Variants in MOB2 observed in about 807,000 individuals in gnomAD.
MOB2 encodes the protein MOB2 Mps One Binder homolog.
MOB2 carries 14 observed loss-of-function variants against 27.4 expected under a neutral mutation model. The ratio of observed to expected loss-of-function variants is 0.51; its 90% CI spans 0.34 to 0.80. The LOEUF is 0.80. Ranked by LOEUF, MOB2 falls within the 30% of genes least tolerant of loss-of-function variation. MOB2 has a pLI of 0.01. For synonymous variants in MOB2, 167 were observed against 151.8 expected, an observed-to-expected ratio of 1.10 and a Z score of -0.74; for missense variants, 304 against 354.6, an observed-to-expected ratio of 0.86 and a Z score of 1.15.
rs944102244 is a variant in MOB2 at position 1,469,978 on chromosome 11, C to T, written c.*194G>A. On this transcript the variant is annotated 3_prime_UTR_variant, in exon 5 of 5. Coordinates refer to ENST00000329957, the MANE Select transcript of MOB2 (RefSeq NM_001172223.3). ...GCTCTTCTCTACAAACGGCACGCAT[C>T]CATCCGACAGGGGGCCACAGGACAC... The T allele has an allele frequency of 7.9e-6, 11 of 1,392,432 alleles. No homozygotes were observed. The highest frequency in any genetic ancestry group is 2.0e-5 in the Admixed American group (1 of 50,842). 86.3% of individuals were successfully genotyped at this position (1,392,432 alleles called of 1,614,324 possible).
chr11:1,480,599 C>A (rs1238657001), intron 2 of MOB2, 113 bp from the exon 3 acceptor site: 1 of 1,523,914 alleles, frequency 6.6e-7, no homozygotes, highest in African/African-American at 1.4e-5. Flanking sequence ...TCTGCCCGTC[C>A]ACGGGCCACA....
intron 1 of MOB2, among the ~76,000 whole-genome samples, chr11:1,486,196 G>C (rs1847967994): frequency 6.6e-6 from 1 of 152,262 alleles, no homozygotes; most frequent in Non-Finnish European, 1.5e-5. Flanking sequence ...AGTGCAGGCG[G>C]CTAAGGAAAG....
intron 1 of MOB2, among the ~76,000 whole-genome samples, chr11:1,485,154 T>C (rs1006720387): frequency 4.6e-5 from 7 of 152,166 alleles, no homozygotes; most frequent in African/African-American, 1.7e-4. Flanking sequence ...TCCTCATCGC[T>C]TCCTTTGAAA....
At chr11:1,482,793 G>A (rs1458083047) in intron 1 of MOB2, among the ~76,000 whole-genome samples, 1 of 152,248 alleles carries the variant, frequency 6.6e-6, no homozygotes, top group Admixed American at 6.5e-5. Context: ...GGGACGCGCA[G>A]GACATGGCCT....
intron 4 of MOB2, among the ~76,000 whole-genome samples, chr11:1,470,792 A>T (rs1847778846): frequency 7.0e-6 from 1 of 142,920 alleles, no homozygotes; most frequent in Admixed American, 7.2e-5. Flanking sequence ...GGGGCCTGTG[A>T]TCGGGCACTC....
At chr11:1,482,934 C>T (rs1257275700) in intron 1 of MOB2, among the ~76,000 whole-genome samples, 3 of 152,164 alleles carry the variant, frequency 2.0e-5, no homozygotes, top group African/African-American at 7.2e-5. Context: ...TCAGCGAAGG[C>T]CCAGGCCTGG....
At position 1,469,711 on chromosome 11, in the gene MOB2, G is replaced by A. The variant is rs991474779; in HGVS notation, c.*461C>T. On this transcript the variant is annotated 3_prime_UTR_variant, in exon 5 of 5. Coordinates refer to ENST00000329957, the MANE Select transcript of MOB2 (RefSeq NM_001172223.3). ...TGCCAACAGCCAAGACTCCTGGCGA[G>A]GCCGGGAGAGGAGGGGTGAGAGGGA... The A allele has an allele frequency of 1.3e-5, 6 of 459,500 alleles. No individual in the cohort carries two copies. The highest frequency in any genetic ancestry group is 1.2e-4 in the African/African-American group (6 of 50,230). The allele number at this position is 459,500 out of a possible 1,614,324, so 28.5% of individuals were successfully genotyped here.
rs754896503 is a variant in MOB2, at chr11:1,470,119, A to C, written c.*53T>G. The C allele has an allele frequency of 2.6e-5, 40 of 1,551,400 alleles. No homozygotes were observed. Among genetic ancestry groups the C allele is most frequent in the Non-Finnish European group, 3.0e-5 (35 of 1,148,494 alleles). On this transcript the variant is annotated 3_prime_UTR_variant, in exon 5 of 5. Transcript: ENST00000329957. The stretch of plus-strand genomic sequence containing the variant: ...GTGTGCACACGCAGATGCAGGAGAG[A>C]ACACACACCACCGTCTCTTTGCACA...
chr11:1,480,718 C>G lies in MOB2; in HGVS notation c.271+7G>C, dbSNP rs560324078. The G allele has an allele frequency of 6.2e-7, 1 of 1,600,724 alleles. No homozygotes were observed. Among genetic ancestry groups the G allele is most frequent in the South Asian group, 1.1e-5 (1 of 88,980 alleles). On this transcript the variant is annotated splice_region_variant and intron_variant, in intron 2 of 4. Transcript: ENST00000329957. Reference sequence around the variant, plus strand: ...GGGAGGGGGCCCGCCCCCAGGCCCCCGCGCACTGTTGCTGGCCAGCCACTC... The same window carrying G: ...GGGAGGGGGCCCGCCCCCAGGCCCCGGCGCACTGTTGCTGGCCAGCCACTC...
intron 3 of MOB2, among the ~76,000 whole-genome samples, chr11:1,473,889 G>A (rs1564909027): frequency 1.3e-5 from 2 of 152,254 alleles, no homozygotes; most frequent in Admixed American, 1.3e-4. Flanking sequence ...ATGGGCCGCG[G>A]GAAGGAATCG....
intron 2 of MOB2, 73 bp downstream of exon 2, chr11:1,480,652 G>T: frequency 6.4e-7 from 1 of 1,564,498 alleles, no homozygotes; most frequent in Non-Finnish European, 8.7e-7. Context: ...CAGCCGTGGG[G>T]GTCCCCCTTG....
intron 3 of MOB2, chr11:1,472,853 G>A: frequency 6.4e-6 from 1 of 155,190 alleles, no homozygotes; most frequent in Non-Finnish European, 1.4e-5. Flanking sequence ...AGCGTCTCCG[G>A]GCACAGGGCC....
In MOB2 at chr11:1,482,548, C is replaced by A. The variant is rs1022944558; in HGVS notation, c.111-1663G>T. ...GCACCTCAGCCTCCCTGCCTCTTCCCGTCCACACCTGCTCTCCTAGAACAC... is the reference window on the plus strand; with the variant it reads ...GCACCTCAGCCTCCCTGCCTCTTCCAGTCCACACCTGCTCTCCTAGAACAC... On this transcript the variant is annotated intron_variant, in intron 1 of 4. Transcript: ENST00000329957. 6.6e-5 allele frequency among the ~76,000 whole-genome samples: 10 copies of A among 152,220 alleles called. 1 individual carries two copies. The highest frequency in any genetic ancestry group is 1.3e-4 in the Non-Finnish European group (9 of 68,026).
chr11:1,480,834 C>T lies in MOB2; in HGVS notation c.162G>A (p.Lys54=). 6.3e-7 allele frequency: 1 copy of T among 1,577,824 alleles called. No individual in the cohort carries two copies. The highest frequency in any genetic ancestry group is 8.6e-7 in the Non-Finnish European group (1 of 1,162,186). ...NGKKPAAEER[K]AYLEPEHTKA... is the part of the protein sequence containing the mutation. ...TGGTGTGCTCAGGCTCCAGGTAGGC[C>T]TTCCTCTCCTCCGCAGCGGGCTTCT... Residue 54 remains lysine, a synonymous_variant, in exon 2 of 5, where the codon AAG becomes AAA. Coordinates refer to ENST00000329957, the MANE Select transcript of MOB2 (RefSeq NM_001172223.3).
intron 3 of MOB2, among the ~76,000 whole-genome samples, chr11:1,478,861 G>GTA (rs1232509453): frequency 2.0e-5 from 3 of 152,194 alleles, no homozygotes; most frequent in Non-Finnish European, 2.9e-5. Context: ...GCCCTCACAC[G>GTA]ACCCAGGCAG....
At chr11:1,481,654 C>A (rs1279057669) in intron 1 of MOB2, 1 of 150,872 alleles carries the variant, frequency 6.6e-6, no homozygotes, top group Non-Finnish European at 1.5e-5. Context: ...AGGAGACCAG[C>A]GCAGGCCTCT....
intron 3 of MOB2, among the ~76,000 whole-genome samples, chr11:1,479,563 C>T (rs1847887080): frequency 6.6e-6 from 1 of 152,238 alleles, no homozygotes; most frequent in African/African-American, 2.4e-5. Flanking sequence ...GGGACGCCTG[C>T]CAGCTGCCTG....
Position 1,470,083 on chromosome 11 carries a change from G to T in MOB2, c.*89C>A. On this transcript the variant is annotated 3_prime_UTR_variant, in exon 5 of 5. Coordinates refer to ENST00000329957, the MANE Select transcript of MOB2 (RefSeq NM_001172223.3). ...CCCTCTCAGACCTCACCACACGCGT[G>T]CCCAGCACATGTGTGCACACGCAGA... 1 of 1,543,708 alleles carries T rather than the reference G, an allele frequency of 6.5e-7. No homozygotes were observed. Among genetic ancestry groups the T allele is most frequent in the Non-Finnish European group, 8.7e-7 (1 of 1,146,894 alleles).
rs551132757 is a variant in MOB2, at chr11:1,470,115, A to T, written c.*57T>A. ...ACATGTGTGCACACGCAGATGCAGG[A>T]GAGAACACACACCACCGTCTCTTTG... On this transcript the variant is annotated 3_prime_UTR_variant, in exon 5 of 5. Coordinates refer to ENST00000329957, the MANE Select transcript of MOB2 (RefSeq NM_001172223.3). 1 of 1,550,568 alleles carries T rather than the reference A, an allele frequency of 6.4e-7. No homozygotes were observed. Among genetic ancestry groups the T allele is most frequent in the African/African-American group, 1.4e-5 (1 of 73,230 alleles).
Sources: allele counts gnomAD v4.1 joint callset (sites outside exome capture counted in the v4.1 genomes callset), GRCh38; gene constraint gnomAD v4.1.1; transcripts MANE v1.5; gene names NCBI Gene and HGNC (gene_info 2026-07-23, HGNC 2026-07-21).